Variants in SH2B3 observed in about 807,000 individuals in gnomAD.
The protein encoded by SH2B3 is SH2B adapter protein 3.
SH2B3 carries 43 observed loss-of-function variants against 51.9 expected under a neutral mutation model. The ratio of observed to expected loss-of-function variants is 0.83; its 90% CI spans 0.65 to 1.07. SH2B3 has a LOEUF of 1.07. Ranked by LOEUF, SH2B3 falls within the 50% of genes least tolerant of loss-of-function variation. The pLI is 0.00. For missense variants in SH2B3, 952 were observed against 834.3 expected (o/e 1.14, Z -1.74); for synonymous variants, 396 against 376.0 (o/e 1.05, Z -0.62).
rs750019851 is a variant in SH2B3 at position 111,447,189 on chromosome 12, C to G, written c.991C>G (p.Pro331Ala). ...SALEPSTSSS[P>A]RGSTDSLNQG... ...CCTAGAGCCTAGCACGTCCAGCTCC[C>G]CAAGGGGCAGCACAGATTCCCTTAA... The change falls in exon 5 of 8, where the codon CCA becomes GCA. Residue 331 changes from proline to alanine, a missense_variant. Pro to Ala is a conservative substitution (Grantham distance 27). Coordinates refer to ENST00000341259, the MANE Select transcript of SH2B3 (RefSeq NM_005475.3). 1.2e-6 allele frequency: 2 copies of G among 1,613,920 alleles called. No individual in the cohort carries two copies. Among genetic ancestry groups the G allele is most frequent in the Non-Finnish European group, 1.7e-6 (2 of 1,179,792 alleles).
At position 111,418,310 on chromosome 12, in the gene SH2B3, C is replaced by G. The variant is rs776558270; in HGVS notation, c.165C>G (p.His55Gln). The change falls in exon 2 of 8, where the codon CAC becomes CAG. Residue 55 changes from histidine (H) to glutamine (Q), a missense_variant. Transcript: ENST00000341259. The surrounding 1 kb of genome is among the most constrained non-coding windows in gnomAD (Gnocchi z 6.7). ...YWLFAREHPQ[H>Q]APLRAELVSL... ...TGTTCGCCCGGGAGCATCCGCAGCA[C>G]GCGCCGCTGCGCGCCGAGCTGGTGT... The G allele has an allele frequency of 2.0e-6, 3 of 1,527,168 alleles. No homozygotes were observed. The highest frequency in any genetic ancestry group is 1.4e-5 in the African/African-American group (1 of 71,552). The allele number at this position is 1,527,168 out of a possible 1,614,324, so 94.6% of individuals were successfully genotyped here.
rs112452190 is a variant in SH2B3, at chr12:111,409,896, C to A, written c.-28+3619C>A. 3.3e-5 allele frequency among the ~76,000 whole-genome samples: 5 copies of A among 152,212 alleles called. No individual in the cohort carries two copies. Among genetic ancestry groups the A allele is most frequent in the Non-Finnish European group, 7.3e-5 (5 of 68,034 alleles). On this transcript the variant is annotated intron_variant, in intron 1 of 7. Transcript: ENST00000341259. This position sits in a 1 kb window ranked among gnomAD's most constrained non-coding sequence, Gnocchi z 4.0. Reference sequence around the variant, plus strand: ...GGAACAGGTCCTCCTGGTGCCCCCCCACTCCCCGCCCCAGCCGGAAACCCG... The same window carrying A: ...GGAACAGGTCCTCCTGGTGCCCCCCAACTCCCCGCCCCAGCCGGAAACCCG...
chr12:111,419,510 C>T lies in SH2B3; in HGVS notation c.732+633C>T, dbSNP rs573440610. On this transcript the variant is annotated intron_variant, in intron 2 of 7. Coordinates refer to ENST00000341259, the MANE Select transcript of SH2B3 (RefSeq NM_005475.3). ...AAAATTAGCTGAGCACAGTGGCGCA[C>T]GCCTGTAATCCCGGCTACTTGGGAG... Among the ~76,000 whole-genome samples, 7 of 152,022 alleles carry T rather than the reference C, an allele frequency of 4.6e-5. No homozygotes were observed. In the South Asian group the frequency reaches 6.2e-4, roughly 14 times the overall value.
rs906373385 is a variant in SH2B3 at position 111,449,811 on chromosome 12, G to A, written c.*1509G>A. On this transcript the variant is annotated 3_prime_UTR_variant, in exon 8 of 8. Coordinates refer to ENST00000341259, the MANE Select transcript of SH2B3 (RefSeq NM_005475.3). ...TCATAGGACTGACTGCCTGGGAGGA[G>A]GGTTAGGTCTGCTTCTTCCACTTAT... 2 of 152,218 alleles carry A rather than the reference G, an allele frequency of 1.3e-5. No individual in the cohort carries two copies. The highest frequency in any genetic ancestry group is 6.5e-5 in the Admixed American group (1 of 15,276). 9.4% of individuals were successfully genotyped at this position (152,218 alleles called of 1,614,324 possible).
chr12:111,428,958 G>A (rs1339004800), intron 2 of SH2B3, among the ~76,000 whole-genome samples: 1 of 151,774 alleles, frequency 6.6e-6, no homozygotes, highest in East Asian at 2.0e-4. Flanking sequence ...GAAAGGGGAA[G>A]CAGAAAGAAA....
chr12:111,444,416 T>C (rs1873727207), intron 2 of SH2B3, among the ~76,000 whole-genome samples: 2 of 152,206 alleles, frequency 1.3e-5, no homozygotes, highest in South Asian at 4.1e-4. Context: ...TCTGTTTAGA[T>C]GCTGGGAATG....
chr12:111,431,022 GT>G (rs1872441446), intron 2 of SH2B3, among the ~76,000 whole-genome samples: 1 of 145,982 alleles, frequency 6.9e-6, no homozygotes, highest in African/African-American at 2.5e-5. Flanking sequence ...CCGGCCGGGG[GT>G]GGGTGGCGGG....
At chr12:111,417,052 T>C (rs1323843752) in intron 1 of SH2B3, among the ~76,000 whole-genome samples, 1 of 147,858 alleles carries the variant, frequency 6.8e-6, no homozygotes, top group Non-Finnish European at 1.5e-5. Flanking sequence ...TTGTCTAGGG[T>C]GTCTTGTTCT....
chr12:111,451,215 C>T lies in SH2B3; in HGVS notation c.*2913C>T, dbSNP rs1874558046. The T allele has an allele frequency of 6.6e-6, 1 of 152,652 alleles. No homozygotes were observed. The highest frequency in any genetic ancestry group is 1.5e-5 in the Non-Finnish European group (1 of 68,050). 9.5% of individuals were successfully genotyped at this position (152,652 alleles called of 1,614,324 possible). The stretch of plus-strand genomic sequence containing the variant: ...TCTGGACCGTAGGAAAAAGGAATAG[C>T]AATCATTAAAATCTTGGGCCAGAGA... On this transcript the variant is annotated 3_prime_UTR_variant, in exon 8 of 8. Transcript: ENST00000341259.
At chr12:111,436,009 T>C (rs1290574950) in intron 2 of SH2B3, among the ~76,000 whole-genome samples, 1 of 152,142 alleles carries the variant, frequency 6.6e-6, no homozygotes, top group African/African-American at 2.4e-5. Context: ...CGCCCAGAGA[T>C]GCCATCTTGT....
In SH2B3 at chr12:111,446,815, G is replaced by A. The variant is rs143256866; in HGVS notation, c.795G>A (p.Arg265=). The A allele has an allele frequency of 3.3e-4, 526 of 1,582,514 alleles. 1 individual carries two copies. The African/African-American group carries it at 6.5e-3, about 20-fold the overall frequency. The change falls in exon 3 of 8, where the codon CGG becomes CGA. Residue 265 remains arginine (R), a synonymous_variant. Coordinates refer to ENST00000341259, the MANE Select transcript of SH2B3 (RefSeq NM_005475.3). The stretch of plus-strand genomic sequence containing the variant: ...TCCAGGAGGTCCGGTGGTGCACACG[G>A]CTTGAGATGCCTGACAACCTTTACA... ...SSIQEVRWCT[R]LEMPDNLYTF...
rs1870586401 is a variant in SH2B3 at position 111,410,203 on chromosome 12, T to C, written c.-28+3926T>C. Among the ~76,000 whole-genome samples the C allele has an allele frequency of 6.6e-6, 1 of 152,116 alleles. No homozygotes were observed. The highest frequency in any genetic ancestry group is 2.4e-5 in the African/African-American group (1 of 41,420). On this transcript the variant is annotated intron_variant, in intron 1 of 7. Coordinates refer to ENST00000341259, the MANE Select transcript of SH2B3 (RefSeq NM_005475.3). The surrounding 1 kb of genome is among the most constrained non-coding windows in gnomAD (Gnocchi z 4.9). ...GCTGGGAGACTGGGAATGTGATCAA[T>C]CAGGGAGGTGGACACACAAGGGGAC... is the stretch of plus-strand genomic sequence containing the variant.
intron 5 of SH2B3, 33 bp from the exon 6 acceptor site, chr12:111,447,297 C>T: frequency 2.5e-6 from 4 of 1,597,224 alleles, no homozygotes; most frequent in Non-Finnish European, 3.4e-6. Flanking sequence ...AAGGTAGCCC[C>T]CTGCGACCAC....
chr12:111,434,801 T>C, intron 2 of SH2B3: 2 of 1,500,638 alleles, frequency 1.3e-6, no homozygotes, highest in Non-Finnish European at 1.8e-6. Flanking sequence ...GTGATGTCAG[T>C]GAGAGGCTGT....
At chr12:111,434,668 C>A (rs1872712347) in intron 2 of SH2B3, 1 of 547,902 alleles carries the variant, frequency 1.8e-6, no homozygotes, top group Non-Finnish European at 2.3e-6. Flanking sequence ...TTTCCCCACC[C>A]AGGATCAGAT....
intron 2 of SH2B3, among the ~76,000 whole-genome samples, chr12:111,426,477 C>A (rs957357788): frequency 6.6e-6 from 1 of 150,864 alleles, no homozygotes; most frequent in Non-Finnish European, 1.5e-5. Flanking sequence ...CCTGCTGCCT[C>A]GGCCTCCCAG....
At chr12:111,412,092 G>T (rs992203836) in intron 1 of SH2B3, among the ~76,000 whole-genome samples, 2 of 152,146 alleles carry the variant, frequency 1.3e-5, no homozygotes, top group Non-Finnish European at 2.9e-5. Flanking sequence ...AAGCCTGAGG[G>T]CCCCAGGTCC....
At chr12:111,445,380 C>T (rs969399190) in intron 2 of SH2B3, among the ~76,000 whole-genome samples, 4 of 152,176 alleles carry the variant, frequency 2.6e-5, no homozygotes, top group South Asian at 2.1e-4. Context: ...TGGGCAAGAG[C>T]GCAGAGGCCC....
Position 111,406,621 on chromosome 12 carries a change from G to C in SH2B3, c.-28+344G>C, listed in dbSNP as rs1213945138. On this transcript the variant is annotated intron_variant, in intron 1 of 7. Transcript: ENST00000341259. The surrounding 1 kb of genome is among the most constrained non-coding windows in gnomAD (Gnocchi z 5.7). ...CCTCAACTTGTGCCTGGGGAGGAGC[G>C]GTCAGGGGTCACCCATTGCTACCCT... is the stretch of plus-strand genomic sequence containing the variant. 6.6e-6 allele frequency among the ~76,000 whole-genome samples: 1 copy of C among 152,214 alleles called. No individual in the cohort carries two copies. Among genetic ancestry groups the C allele is most frequent in the East Asian group, 1.9e-4 (1 of 5,180 alleles).
Sources: gnomAD v4.1 joint callset for allele counts (sites outside exome capture counted in the v4.1 genomes callset) on GRCh38, gnomAD v4.1.1 for gene constraint, Gnocchi (gnomAD v3.1) non-coding constraint, MANE v1.5 for transcripts, NCBI Gene and HGNC (gene_info 2026-07-23, HGNC 2026-07-21) for gene names.